Variants in FCAMR observed in about 807,000 individuals in gnomAD.
FCAMR encodes high affinity immunoglobulin alpha and immunoglobulin mu Fc receptor.
Under a neutral mutation model 52.2 loss-of-function variants are expected in FCAMR, and 51 were observed. The ratio of observed to expected loss-of-function variants is 0.98; its 90% CI spans 0.78 to 1.23. FCAMR has a LOEUF of 1.23. FCAMR is among the 50% of genes most tolerant of loss of function. The pLI is 0.00. For synonymous variants in FCAMR, 282 were observed against 262.0 expected, an observed-to-expected ratio of 1.08 and a Z score of -0.74; for missense variants, 719 against 712.6, an observed-to-expected ratio of 1.01 and a Z score of -0.10.
At position 206,965,848 on chromosome 1, in the gene FCAMR, G is replaced by A. The variant is rs369525141; in HGVS notation, c.180C>T (p.Phe60=). The change falls in exon 4 of 8, where the codon TTC becomes TTT. Residue 60 remains phenylalanine (F), a synonymous_variant. Transcript: ENST00000324852. ...GATGGGGTCTTTTTTGTGGAAGGGC[G>A]AAAGAAGAACCTGCAGCAAAGGAAG... ...LILCLLQGSS[F]ALPQKRPHPR... is the part of the protein sequence containing the mutation. The A allele has an allele frequency of 2.7e-5, 44 of 1,607,732 alleles. 1 individual carries two copies. Among genetic ancestry groups the A allele is most frequent in the African/African-American group, 1.2e-4 (9 of 74,382 alleles).
At chr1:206,965,227 T>C (rs1357761041) in intron 4 of FCAMR, among the ~76,000 whole-genome samples, 1 of 152,206 alleles carries the variant, frequency 6.6e-6, no homozygotes, top group East Asian at 1.9e-4. Context: ...CTGATCTGTA[T>C]GTGAAACATT....
In FCAMR at chr1:206,970,267, G is replaced by A. The variant is rs1558029692; in HGVS notation, c.-142C>T. On this transcript the variant is annotated 5_prime_UTR_variant, in exon 1 of 8. Coordinates refer to ENST00000324852, the MANE Select transcript of FCAMR (RefSeq NM_001170631.2). Reference sequence around the variant, plus strand: ...TTGGAAAGCAGCTGGAGCTAGCAACGGAAGGTCGGGGTGCAAGGCGTAGCT... The same window carrying A: ...TTGGAAAGCAGCTGGAGCTAGCAACAGAAGGTCGGGGTGCAAGGCGTAGCT... The A allele has an allele frequency of 4.1e-5, 35 of 852,420 alleles. No individual in the cohort carries two copies. The highest frequency in any genetic ancestry group is 3.1e-5 in the Non-Finnish European group (17 of 544,136). The allele number at this position is 852,420 out of a possible 1,614,324, so 52.8% of individuals were successfully genotyped here. A position where few individuals can be genotyped will look rare whatever the true frequency, so the allele number is the denominator to read the frequency against.
In FCAMR at chr1:206,962,234, TG is replaced by T. The variant is rs773534484; in HGVS notation, c.630del (p.Ser210ArgfsTer2). ...IGSENNMLFL[S>X]MNLTISAGPA... ...ATACCTGCAGAGATGGTCAGATTCATGCTTAAGAACAGCATGTTGTTTTCAC... is the reference window on the plus strand; with the variant it reads ...ATACCTGCAGAGATGGTCAGATTCATCTTAAGAACAGCATGTTGTTTTCAC... On this transcript the variant is annotated frameshift_variant, in exon 5 of 8. Coordinates refer to ENST00000324852, the MANE Select transcript of FCAMR (RefSeq NM_001170631.2). LOFTEE classifies it high-confidence loss of function. 6.2e-7 allele frequency: 1 copy of T among 1,614,186 alleles called. No homozygotes were observed. Among genetic ancestry groups the T allele is most frequent in the South Asian group, 1.1e-5 (1 of 91,080 alleles).
Position 206,961,918 on chromosome 1 carries a change from C to T in FCAMR, c.652+295G>A, listed in dbSNP as rs1680521321. ...CAGCTATCAGGATCCTAAGAAGCCA[C>T]GTCATCCCATTCTTGGAGCCGTCTC... On this transcript the variant is annotated intron_variant, in intron 5 of 7. Transcript: ENST00000324852. Among the ~76,000 whole-genome samples the T allele has an allele frequency of 2.6e-5, 4 of 152,362 alleles. No individual in the cohort carries two copies. In the South Asian group the frequency reaches 8.3e-4, roughly 32 times the overall value.
At chr1:206,967,133 GA>G (rs1487281083) in intron 2 of FCAMR, 21 bp from the exon 3 acceptor site, 1 of 1,612,874 alleles carries the variant, frequency 6.2e-7, no homozygotes, top group Admixed American at 1.7e-5. Context: ...CACTCTAAAT[GA>G]AAAGAGGCCT....
At chr1:206,966,143 G>A (rs1680699791) in intron 3 of FCAMR, among the ~76,000 whole-genome samples, 1 of 152,178 alleles carries the variant, frequency 6.6e-6, no homozygotes, top group African/African-American at 2.4e-5. Context: ...GAGGGGATGA[G>A]GGAGTATACC....
intron 4 of FCAMR, among the ~76,000 whole-genome samples, chr1:206,964,733 TA>T (rs1558026349): frequency 6.6e-6 from 1 of 152,130 alleles, no homozygotes; most frequent in African/African-American, 2.4e-5. Flanking sequence ...CTTTTCTTTA[TA>T]AATTACCCAG....
At position 206,960,737 on chromosome 1, in the gene FCAMR, G is replaced by A; in HGVS notation, c.1139C>T (p.Ala380Val). The change falls in exon 6 of 8, where the codon GCT becomes GTT. Residue 380 changes from alanine to valine, a missense_variant. Ala to Val is a moderately conservative substitution (Grantham distance 64). Coordinates refer to ENST00000324852, the MANE Select transcript of FCAMR (RefSeq NM_001170631.2). ...KKVLGTIGPPALVSETLAWEI... is the reference protein window; with the variant it reads ...KKVLGTIGPPVLVSETLAWEI... ...CCAGGCCAAAGTTTCTGAGACCAGA[G>A]CTGGTGGCCCAATGGTTCCTAGGAC... is the stretch of plus-strand genomic sequence containing the variant. 4 of 1,552,414 alleles carry A rather than the reference G, an allele frequency of 2.6e-6. No individual in the cohort carries two copies. Among genetic ancestry groups the A allele is most frequent in the Non-Finnish European group, 3.5e-6 (4 of 1,147,146 alleles).
At chr1:206,961,450 TA>T (rs1411446725) in intron 5 of FCAMR, among the ~76,000 whole-genome samples, 1 of 152,252 alleles carries the variant, frequency 6.6e-6, no homozygotes, top group Non-Finnish European at 1.5e-5. Flanking sequence ...GTTATACTCC[TA>T]TTTCCTTCTC....
At chr1:206,963,062 G>A (rs1328581597) in intron 4 of FCAMR, among the ~76,000 whole-genome samples, 1 of 152,170 alleles carries the variant, frequency 6.6e-6, no homozygotes, top group African/African-American at 2.4e-5. Flanking sequence ...CTGATAGAAG[G>A]GCTCTGGTTT....
chr1:206,961,679 C>T (rs961954473), intron 5 of FCAMR, among the ~76,000 whole-genome samples: 2 of 152,258 alleles, frequency 1.3e-5, no homozygotes, highest in African/African-American at 4.8e-5. Context: ...GCCAAGTGGC[C>T]TTTCACAGCC....
Position 206,959,798 on chromosome 1 carries a change from C to G in FCAMR, c.1455-1G>C, listed in dbSNP as rs573320714. On this transcript the variant is annotated splice_acceptor_variant, in intron 6 of 7. Coordinates refer to ENST00000324852, the MANE Select transcript of FCAMR (RefSeq NM_001170631.2). LOFTEE classifies it high-confidence loss of function. ...GCTGCTTTCATCTTCTGGAAAAGTA[C>G]TACAGTGGGGGTGGAAAGAGCACAG... 3 of 1,611,746 alleles carry G rather than the reference C, an allele frequency of 1.9e-6. No homozygotes were observed. The highest frequency in any genetic ancestry group is 1.3e-5 in the African/African-American group (1 of 74,980).
At chr1:206,960,352 G>C (rs763999613) in intron 6 of FCAMR, 70 bp downstream of exon 6, 3 of 1,372,086 alleles carry the variant, frequency 2.2e-6, no homozygotes, top group Non-Finnish European at 2.9e-6. Context: ...GAGGGAGAGG[G>C]GCCTCCCTTG....
intron 4 of FCAMR, among the ~76,000 whole-genome samples, chr1:206,965,383 A>G (rs1322915207): frequency 6.6e-6 from 1 of 152,248 alleles, no homozygotes; most frequent in African/African-American, 2.4e-5. Context: ...TTAAGGATTC[A>G]TTTGATAGAT....
At chr1:206,964,131 G>T (rs1312378176) in intron 4 of FCAMR, among the ~76,000 whole-genome samples, 1 of 152,176 alleles carries the variant, frequency 6.6e-6, no homozygotes, top group African/African-American at 2.4e-5. Flanking sequence ...ACAAGTGGAG[G>T]GGACCACAAC....
chr1:206,962,803 C>T (rs1262569695), intron 4 of FCAMR, among the ~76,000 whole-genome samples: 3 of 152,136 alleles, frequency 2.0e-5, no homozygotes, highest in Non-Finnish European at 4.4e-5. Context: ...CTGAGCTATC[C>T]TGGTCCATCC....
chr1:206,968,750 G>A (rs1287310542), intron 1 of FCAMR, among the ~76,000 whole-genome samples: 1 of 152,164 alleles, frequency 6.6e-6, no homozygotes, highest in Non-Finnish European at 1.5e-5. Flanking sequence ...GGTAGGAGGT[G>A]AAAGAAGGGA....
At chr1:206,969,524 C>G (rs1025290115) in intron 1 of FCAMR, among the ~76,000 whole-genome samples, 3 of 152,208 alleles carry the variant, frequency 2.0e-5, no homozygotes, top group South Asian at 4.1e-4. Flanking sequence ...TGAGGGGACT[C>G]TCTTGTCCCT....
At chr1:206,967,891 C>T (rs1680776999) in intron 1 of FCAMR, among the ~76,000 whole-genome samples, 1 of 152,226 alleles carries the variant, frequency 6.6e-6, no homozygotes. Context: ...GAGGGGACAG[C>T]TTTGTATTTC....
Sources: allele counts gnomAD v4.1 joint callset (sites outside exome capture counted in the v4.1 genomes callset), GRCh38; gene constraint gnomAD v4.1.1; transcripts MANE v1.5; gene names NCBI Gene and HGNC (gene_info 2026-07-23, HGNC 2026-07-21).